The following RBFOX3 variants were observed in gnomAD, a reference collection of about 807,000 sequenced individuals.
RBFOX3 encodes the protein RNA binding protein fox-1 homolog 3.
In RBFOX3, 17 loss-of-function variants were observed where a neutral mutation model predicts 48.7. That is an observed-to-expected ratio of 0.35 (90% CI 0.24 to 0.52). The LOEUF (loss-of-function observed/expected upper bound fraction) is 0.52. Ranked by LOEUF, RBFOX3 falls within the 20% of genes least tolerant of loss-of-function variation. RBFOX3 has a pLI of 0.94. For synonymous variants in RBFOX3, 212 were observed against 209.5 expected, an observed-to-expected ratio of 1.01 and a Z score of -0.10; for missense variants, 382 against 497.5, an observed-to-expected ratio of 0.77 and a Z score of 2.21.
intron 4 of RBFOX3, among the ~76,000 whole-genome samples, chr17:79,172,967 G>A (rs8081262): frequency 3.7e-4 from 57 of 152,310 alleles, no homozygotes; most frequent in African/African-American, 1.3e-3. Context: ...CCAGCACTTT[G>A]GGAGGCCGAG....
intron 4 of RBFOX3, among the ~76,000 whole-genome samples, chr17:79,202,538 C>T (rs1444536161): frequency 1.3e-5 from 2 of 152,216 alleles, no homozygotes; most frequent in Non-Finnish European, 2.9e-5. Flanking sequence ...ACAACAACCC[C>T]ATGGGACGGT....
chr17:79,305,379 A>C (rs2075960912), intron 3 of RBFOX3, among the ~76,000 whole-genome samples: 1 of 152,220 alleles, frequency 6.6e-6, no homozygotes, highest in Non-Finnish European at 1.5e-5. Flanking sequence ...TCAGATAAGA[A>C]ACCCTAAAAA....
chr17:79,090,799 CTTTT>C lies in RBFOX3; in HGVS notation c.*80_*83del, dbSNP rs999821602. 59 of 1,424,592 alleles carry C rather than the reference CTTTT, an allele frequency of 4.1e-5. No individual in the cohort carries two copies. The highest frequency in any genetic ancestry group is 3.4e-4 in the South Asian group (25 of 73,334). 88.2% of individuals were successfully genotyped at this position (1,424,592 alleles called of 1,614,324 possible). A position where few individuals can be genotyped will look rare whatever the true frequency, so the allele number is the denominator to read the frequency against. ...TTTTTTGTTGCTTGGATCTTAACAT[CTTTT>C]TTTGTTTTTTTTGTTTTGTGATTTT... On this transcript the variant is annotated 3_prime_UTR_variant, in exon 15 of 15. Coordinates refer to ENST00000693108, the MANE Select transcript of RBFOX3 (RefSeq NM_001350451.2).
chr17:79,644,559 C>T, the RBFOX3 span, among the ~76,000 whole-genome samples: 6 of 152,098 alleles, frequency 3.9e-5, no homozygotes, highest in East Asian at 5.8e-4. Context: ...TCATAATATA[C>T]GTAATCAATA....
intron 1 of RBFOX3, among the ~76,000 whole-genome samples, chr17:79,498,542 T>C (rs985410359): frequency 1.6e-4 from 23 of 141,240 alleles, no homozygotes; most frequent in African/African-American, 6.1e-4. Context: ...TCCATCCACT[T>C]ACCCATCCGT....
chr17:79,395,764 C>T (rs375514081), intron 2 of RBFOX3, among the ~76,000 whole-genome samples: 1 of 152,210 alleles, frequency 6.6e-6, no homozygotes, highest in Non-Finnish European at 1.5e-5. Flanking sequence ...GTGGCTGAGC[C>T]GTGACGTGAC....
chr17:79,395,684 T>C (rs1317674436), intron 2 of RBFOX3, among the ~76,000 whole-genome samples: 1 of 152,176 alleles, frequency 6.6e-6, no homozygotes, highest in Non-Finnish European at 1.5e-5. Context: ...GGACTGGTGG[T>C]CTTTCGCTTT....
chr17:79,239,005 G>A (rs1048591239), intron 3 of RBFOX3, among the ~76,000 whole-genome samples: 6 of 152,110 alleles, frequency 3.9e-5, no homozygotes, highest in South Asian at 4.1e-4. Context: ...CCAGGGTCAC[G>A]AAATTCCCTG....
intron 4 of RBFOX3, among the ~76,000 whole-genome samples, chr17:79,225,399 T>A (rs866974994): frequency 2.0e-5 from 3 of 151,532 alleles, no homozygotes; most frequent in African/African-American, 7.3e-5. Context: ...CAAGCGATTC[T>A]CATGTCTCAG....
intron 4 of RBFOX3, among the ~76,000 whole-genome samples, chr17:79,147,220 G>A (rs1402592795): frequency 1.3e-5 from 2 of 152,242 alleles, no homozygotes; most frequent in Admixed American, 6.5e-5. Context: ...GGTCACAGGA[G>A]GCGCTGGCCA....
chr17:79,638,837 A>T, the RBFOX3 span, among the ~76,000 whole-genome samples: 1 of 152,124 alleles, frequency 6.6e-6, no homozygotes, highest in Non-Finnish European at 1.5e-5. Flanking sequence ...TTCACCTTCT[A>T]CATGAGTGGC....
intron 1 of RBFOX3, among the ~76,000 whole-genome samples, chr17:79,495,810 G>A (rs1291950714): frequency 6.6e-6 from 1 of 151,586 alleles, no homozygotes; most frequent in Non-Finnish European, 1.5e-5. Context: ...CAGGTGTAGG[G>A]TGGCAGAAGG....
At chr17:79,302,062 A>G (rs1283080030) in intron 3 of RBFOX3, among the ~76,000 whole-genome samples, 2 of 152,182 alleles carry the variant, frequency 1.3e-5, no homozygotes, top group African/African-American at 4.8e-5. Context: ...ACAACAATGC[A>G]AATGCACTTA....
At chr17:79,501,161 G>A (rs994711491) in intron 1 of RBFOX3, among the ~76,000 whole-genome samples, 63 of 152,132 alleles carry the variant, frequency 4.1e-4, no homozygotes, top group African/African-American at 1.5e-3. Flanking sequence ...ACTAAAATTG[G>A]GTCAAACCCG....
chr17:79,241,105 A>G (rs2062301838), intron 3 of RBFOX3, among the ~76,000 whole-genome samples: 1 of 152,058 alleles, frequency 6.6e-6, no homozygotes. Flanking sequence ...CCTCCCAAGT[A>G]GCTGAGACTA....
chr17:79,469,814 G>A (rs1475383843), intron 2 of RBFOX3, among the ~76,000 whole-genome samples: 3 of 152,198 alleles, frequency 2.0e-5, no homozygotes, highest in Non-Finnish European at 4.4e-5. Context: ...GCGCTCATGA[G>A]GGAGAGCTCG....
intron 1 of RBFOX3, among the ~76,000 whole-genome samples, chr17:79,603,558 C>A (rs1012341619): frequency 6.6e-6 from 1 of 152,240 alleles, no homozygotes. Flanking sequence ...AGACCCCAAC[C>A]TCTCTATAGA....
intron 4 of RBFOX3, among the ~76,000 whole-genome samples, chr17:79,127,465 C>T (rs2037598184): frequency 6.6e-6 from 1 of 152,108 alleles, no homozygotes; most frequent in African/African-American, 2.4e-5. Context: ...AATGCATTTG[C>T]TTCTATTTTC....
At chr17:79,394,149 C>T (rs891962792) in intron 2 of RBFOX3, among the ~76,000 whole-genome samples, 5 of 152,162 alleles carry the variant, frequency 3.3e-5, no homozygotes, top group Non-Finnish European at 5.9e-5. Context: ...TTGGTCCCCG[C>T]GCACATCATC....
Sources: allele counts gnomAD v4.1 joint callset (sites outside exome capture counted in the v4.1 genomes callset), GRCh38; gene constraint gnomAD v4.1.1; transcripts MANE v1.5; gene names NCBI Gene and HGNC (gene_info 2026-07-23, HGNC 2026-07-21).